Variants in AADAC observed in about 807,000 individuals in gnomAD.
AADAC encodes arylacetamide deacetylase (esterase).
AADAC carries 17 observed loss-of-function variants against 22.7 expected under a neutral mutation model. The observed-to-expected ratio is 0.75, with a 90% confidence interval of 0.51 to 1.12. AADAC has a LOEUF of 1.12. Among genes scored for constraint, AADAC ranks in the 50% most tolerant of loss-of-function variants. The pLI is 0.00. For synonymous variants in AADAC, 167 were observed against 176.3 expected, an observed-to-expected ratio of 0.95 and a Z score of 0.42; for missense variants, 465 against 473.9, an observed-to-expected ratio of 0.98 and a Z score of 0.17.
At chr3:151,817,090 C>T (rs1233126543) in intron 1 of AADAC, among the ~76,000 whole-genome samples, 1 of 152,024 alleles carries the variant, frequency 6.6e-6, no homozygotes, top group Non-Finnish European at 1.5e-5. Context: ...GTATTTCCAG[C>T]CCTTCTGAAA....
rs759299218 is a variant in AADAC, at chr3:151,827,525, A to T, written c.604-51A>T. On this transcript the variant is annotated intron_variant, in intron 4 of 4. Transcript: ENST00000232892. Reference sequence around the variant, plus strand: ...ACAGATAGATAATCTTATTAGGGATATTTTATTGTTTTAAATGAAAATGAT... The same window carrying T: ...ACAGATAGATAATCTTATTAGGGATTTTTTATTGTTTTAAATGAAAATGAT... 6.9e-6 allele frequency: 7 copies of T among 1,015,296 alleles called. No individual in the cohort carries two copies. In the African/African-American group the frequency reaches 1.5e-4, roughly 22 times the overall value. 62.9% of individuals were successfully genotyped at this position (1,015,296 alleles called of 1,614,324 possible).
At chr3:151,823,353 A>G (rs1358036695) in intron 3 of AADAC, among the ~76,000 whole-genome samples, 2 of 151,986 alleles carry the variant, frequency 1.3e-5, no homozygotes, top group African/African-American at 2.4e-5. Flanking sequence ...GTGTGTGTAT[A>G]TATATGTGGG....
chr3:151,816,549 C>T (rs1258746179), intron 1 of AADAC, among the ~76,000 whole-genome samples: 4 of 151,844 alleles, frequency 2.6e-5, no homozygotes, highest in Non-Finnish European at 5.9e-5. Context: ...TCTCTGAAAC[C>T]GTAAAGCTTG....
At chr3:151,820,512 C>CTTTATTTT in intron 3 of AADAC, 60 bp downstream of exon 3, 5 of 615,052 alleles carry the variant, frequency 8.1e-6, no homozygotes, top group Non-Finnish European at 9.2e-6. Flanking sequence ...ATTTTCTCAG[C>CTTTATTTT]TTTCTTTTTT....
chr3:151,815,554 G>C lies in AADAC; in HGVS notation c.138+1254G>C, dbSNP rs534909296. On this transcript the variant is annotated intron_variant, in intron 1 of 4. Transcript: ENST00000232892. ...CACATTTTTTTCCCTCATATTTGCT[G>C]TCTGTGCTACAATATGTGAGAGGTC... 2.0e-5 allele frequency among the ~76,000 whole-genome samples: 3 copies of C among 151,868 alleles called. No homozygotes were observed. In the East Asian group the frequency reaches 5.8e-4, roughly 29 times the overall value.
Position 151,817,440 on chromosome 3 carries a change from C to T in AADAC, c.213C>T (p.Val71=). The T allele has an allele frequency of 6.2e-7, 1 of 1,613,690 alleles. No homozygotes were observed. The highest frequency in any genetic ancestry group is 1.1e-5 in the South Asian group (1 of 91,070). Residue 71 remains valine (V), a synonymous_variant, in exon 2 of 5, where the codon GTC becomes GTT. Coordinates refer to ENST00000232892, the MANE Select transcript of AADAC (RefSeq NM_001086.3). Reference sequence around the variant, plus strand: ...AGGTTGTCGGGAGCTTTGATGAAGTCCCACCAACCTCAGATGAAAATGTCA... The same window carrying T: ...AGGTTGTCGGGAGCTTTGATGAAGTTCCACCAACCTCAGATGAAAATGTCA... ...SFKVVGSFDE[V]PPTSDENVTV... is the part of the protein sequence containing the mutation.
In AADAC at chr3:151,828,152, T is replaced by C. The variant is rs748875472; in HGVS notation, c.1180T>C (p.Trp394Arg). The change falls in exon 5 of 5, where the codon TGG becomes CGG. Residue 394 changes from tryptophan (W) to arginine (R), a missense_variant. Physicochemically the swap from Trp to Arg is moderately radical, Grantham distance 101 (BLOSUM62 -3). Transcript: ENST00000232892. ...CAGACTTATAAATCAGTATATTGAG[T>C]GGCTAAAGGAAAATCTATAGTAAAA... Reference protein sequence around the residue: ...SHRLINQYIEWLKENL With the variant: ...SHRLINQYIERLKENL 9 of 1,548,492 alleles carry C rather than the reference T, an allele frequency of 5.8e-6. No individual in the cohort carries two copies. The Admixed American group carries it at 7.8e-5, about 13-fold the overall frequency.
At chr3:151,821,962 T>C (rs13060229) in intron 3 of AADAC, among the ~76,000 whole-genome samples, 24,665 of 151,130 alleles carry the variant, frequency 0.16, 2,259 homozygotes, top group African/African-American at 0.21. Context: ...AAATATATGC[T>C]TTGCCTTCAA....
intron 3 of AADAC, among the ~76,000 whole-genome samples, chr3:151,820,969 T>C (rs3772439): frequency 0.6 from 89,353 of 149,750 alleles, 27,202 homozygotes; most frequent in Non-Finnish European, 0.64. Flanking sequence ...CGTGTTATTT[T>C]GGCAAAAAGA....
Position 151,828,299 on chromosome 3 carries a change from A to C in AADAC, c.*127A>C. On this transcript the variant is annotated 3_prime_UTR_variant, in exon 5 of 5. Coordinates refer to ENST00000232892, the MANE Select transcript of AADAC (RefSeq NM_001086.3). ...CATGTAGCATAATTCTTAAATAGGC[A>C]CTTTTCTGTTTTTTTTTTCTTACTG... 1 of 483,630 alleles carries C rather than the reference A, an allele frequency of 2.1e-6. No individual in the cohort carries two copies. Among genetic ancestry groups the C allele is most frequent in the Non-Finnish European group, 3.4e-6 (1 of 294,692 alleles). 30.0% of individuals were successfully genotyped at this position (483,630 alleles called of 1,614,324 possible).
chr3:151,819,771 T>C (rs1716155624), intron 2 of AADAC, among the ~76,000 whole-genome samples: 1 of 136,296 alleles, frequency 7.3e-6, no homozygotes, highest in Non-Finnish European at 1.6e-5. Flanking sequence ...AAAAAGAGCA[T>C]TACGTCTTCC....
At position 151,817,294 on chromosome 3, in the gene AADAC, T is replaced by A. The variant is rs1716028583; in HGVS notation, c.139-72T>A. ...TTTGAGTTTATTAAGGGTTAATGTC[T>A]ACCTATAAGTCCATAGATCTCTTTG... On this transcript the variant is annotated intron_variant, in intron 1 of 4. Transcript: ENST00000232892. 7 of 1,302,000 alleles carry A rather than the reference T, an allele frequency of 5.4e-6. No individual in the cohort carries two copies. The Admixed American group carries it at 1.3e-4, about 24-fold the overall frequency. The allele number at this position is 1,302,000 out of a possible 1,614,324, so 80.7% of individuals were successfully genotyped here. A position where few individuals can be genotyped will look rare whatever the true frequency, so the allele number is the denominator to read the frequency against.
intron 3 of AADAC, among the ~76,000 whole-genome samples, chr3:151,821,637 T>G (rs1213698105): frequency 1.3e-5 from 2 of 152,040 alleles, no homozygotes; most frequent in African/African-American, 4.8e-5. Context: ...TCCAAGCTTA[T>G]GCTGTTTTGC....
rs532572215 is a variant in AADAC at position 151,814,167 on chromosome 3, G to C, written c.5G>C (p.Gly2Ala). ...CCAAGAAGCGGGACGTTCACCATGGGAAGAAAATCGCTGTACCTTCTGATT... is the reference window on the plus strand; with the variant it reads ...CCAAGAAGCGGGACGTTCACCATGGCAAGAAAATCGCTGTACCTTCTGATT... Reference protein sequence around the residue: MGRKSLYLLIVG... With the variant: MARKSLYLLIVG... The change falls in exon 1 of 5, where the codon GGA (glycine) becomes GCA (alanine). Residue 2 changes from glycine (G) to alanine (A), a missense_variant. Transcript: ENST00000232892. The C allele has an allele frequency of 5.4e-5, 87 of 1,613,340 alleles. No individual in the cohort carries two copies. The South Asian group carries it at 8.9e-4, about 16-fold the overall frequency.
rs535682426 is a variant in AADAC, at chr3:151,820,678, C to T, written c.431+226C>T. On this transcript the variant is annotated intron_variant, in intron 3 of 4. Transcript: ENST00000232892. ...GATTACAGGCACGAGTCACCACACCCGGCTAATTTTTTTATTTTCGGTAGA... is the reference window on the plus strand; with the variant it reads ...GATTACAGGCACGAGTCACCACACCTGGCTAATTTTTTTATTTTCGGTAGA... 1.2e-4 allele frequency among the ~76,000 whole-genome samples: 12 copies of T among 97,024 alleles called. 1 individual carries two copies. The highest frequency in any genetic ancestry group is 3.6e-4 in the African/African-American group (10 of 27,472). The allele number at this position is 97,024 out of a possible 152,430, so 63.7% of individuals were successfully genotyped here.
chr3:151,827,621 T>C lies in AADAC; in HGVS notation c.649T>C (p.Leu217=). 1 of 1,599,860 alleles carries C rather than the reference T, an allele frequency of 6.3e-7. No individual in the cohort carries two copies. Among genetic ancestry groups the C allele is most frequent in the Non-Finnish European group, 8.5e-7 (1 of 1,172,950 alleles). The change falls in exon 5 of 5, where the codon TTA becomes CTA. Residue 217 remains leucine, a synonymous_variant. Transcript: ENST00000232892. ...CAAGATCAAACTCAAGATCCAGTCTTTAATTTATCCTGCCCTTCAGCCTCT... is the reference window on the plus strand; with the variant it reads ...CAAGATCAAACTCAAGATCCAGTCTCTAATTTATCCTGCCCTTCAGCCTCT... ...DVKIKLKIQS[L]IYPALQPLDV...
At chr3:151,820,309 AT>A in intron 2 of AADAC, 73 bp from the exon 3 acceptor site, 1 of 1,079,562 alleles carries the variant, frequency 9.3e-7, no homozygotes. Flanking sequence ...GTGCAGCAGG[AT>A]TTTTGTGAAG....
In AADAC at chr3:151,828,348, C is replaced by T. The variant is rs1716597227; in HGVS notation, c.*176C>T. ...TGTGGGATTTCATTTCAATTTTCTA[C>T]ATTGTCTATCTGCTTTTTCTGAGAT... On this transcript the variant is annotated 3_prime_UTR_variant, in exon 5 of 5. Coordinates refer to ENST00000232892, the MANE Select transcript of AADAC (RefSeq NM_001086.3). 5.0e-6 allele frequency: 2 copies of T among 397,164 alleles called. No homozygotes were observed. The highest frequency in any genetic ancestry group is 4.2e-5 in the Admixed American group (1 of 23,812). 24.6% of individuals were successfully genotyped at this position (397,164 alleles called of 1,614,324 possible).
chr3:151,819,674 G>C (rs1716152656), intron 2 of AADAC, among the ~76,000 whole-genome samples: 1 of 151,960 alleles, frequency 6.6e-6, no homozygotes, highest in Non-Finnish European at 1.5e-5. Context: ...TTGACTGATA[G>C]ATACACATCC....
Sources: gnomAD v4.1 joint callset for allele counts (sites outside exome capture counted in the v4.1 genomes callset) on GRCh38, gnomAD v4.1.1 for gene constraint, MANE v1.5 for transcripts, NCBI Gene and HGNC (gene_info 2026-07-23, HGNC 2026-07-21) for gene names.